Variants in OSBPL10 observed in about 807,000 individuals in gnomAD.
OSBPL10 encodes oxysterol binding protein like 10, also known as oxysterol-binding protein-related protein 10.
In OSBPL10, 49 loss-of-function variants were observed where a neutral mutation model predicts 81.7. That is an observed-to-expected ratio of 0.60 (90% CI 0.48 to 0.76). The LOEUF (loss-of-function observed/expected upper bound fraction) is 0.76, where lower values mean the gene tolerates loss of function less well. Among genes scored for constraint, OSBPL10 ranks in the 30% least tolerant of loss-of-function variants. The probability of loss-of-function intolerance (pLI) is 0.00; values close to 1 mark genes in which losing one functional copy is unlikely to be tolerated. For synonymous variants in OSBPL10, 419 were observed against 383.6 expected, an observed-to-expected ratio of 1.09 and a Z score of -1.08; for missense variants, 923 against 987.8, an observed-to-expected ratio of 0.93 and a Z score of 0.88.
intron 2 of OSBPL10, among the ~76,000 whole-genome samples, chr3:32,028,385 A>G (rs1015007657): frequency 2.6e-5 from 4 of 152,210 alleles, no homozygotes; most frequent in Non-Finnish European, 4.4e-5. Context: ...CTATCTCAGT[A>G]AACAGTACTA....
intron 2 of OSBPL10, among the ~76,000 whole-genome samples, chr3:32,008,610 A>C (rs1699225721): frequency 1.3e-5 from 2 of 151,662 alleles, no homozygotes; most frequent in African/African-American, 4.8e-5. Context: ...GCTAGCAGAG[A>C]GTGGTGTCGC....
intron 4 of OSBPL10, among the ~76,000 whole-genome samples, chr3:31,767,715 T>G (rs1322893441): frequency 6.6e-6 from 1 of 152,140 alleles, no homozygotes; most frequent in African/African-American, 2.4e-5. Context: ...AATTAAGTGT[T>G]AAATGAACCA....
At chr3:32,017,570 G>C (rs1055496068) in intron 2 of OSBPL10, among the ~76,000 whole-genome samples, 1 of 152,036 alleles carries the variant, frequency 6.6e-6, no homozygotes, top group African/African-American at 2.4e-5. Context: ...CCAGGGTTCT[G>C]TGTCTTCACA....
intron 1 of OSBPL10, among the ~76,000 whole-genome samples, chr3:31,955,561 C>T (rs1211848911): frequency 1.3e-5 from 2 of 152,190 alleles, no homozygotes; most frequent in South Asian, 4.1e-4. Context: ...GCACTGACTC[C>T]CTGTCGCTTC....
intron 4 of OSBPL10, among the ~76,000 whole-genome samples, chr3:31,785,092 C>G (rs536326663): frequency 6.8e-4 from 103 of 152,238 alleles, no homozygotes; most frequent in African/African-American, 2.2e-3. Context: ...CCTCTATTAG[C>G]CAGGCTGGTC....
rs532797056 is a variant in OSBPL10 at position 31,764,381 on chromosome 3, T to G, written c.730-16261A>C. ...TGTCTTATTCAAAGGAGATGCCTGA[T>G]GTATGTTTGTTGGGTGGATAAATGG... On this transcript the variant is annotated intron_variant, in intron 4 of 11. Transcript: ENST00000396556. Among the ~76,000 whole-genome samples, 375 of 152,232 alleles carry G rather than the reference T, an allele frequency of 2.5e-3. 5 individuals carry two copies. The highest frequency in any genetic ancestry group is 8.7e-3 in the African/African-American group (360 of 41,538).
At chr3:31,882,174 T>A (rs1695600009) in intron 1 of OSBPL10, among the ~76,000 whole-genome samples, 1 of 152,186 alleles carries the variant, frequency 6.6e-6, no homozygotes, top group Non-Finnish European at 1.5e-5. Flanking sequence ...ACTGCCCGGG[T>A]GGCAGTCCTC....
chr3:31,919,065 C>T (rs1696836464), intron 1 of OSBPL10, among the ~76,000 whole-genome samples: 1 of 152,164 alleles, frequency 6.6e-6, no homozygotes, highest in South Asian at 2.1e-4. Flanking sequence ...ATTCCAAATG[C>T]TGGGCTTTTG....
chr3:31,754,811 G>A (rs548258996), intron 4 of OSBPL10, among the ~76,000 whole-genome samples: 4 of 152,110 alleles, frequency 2.6e-5, no homozygotes, highest in African/African-American at 7.2e-5. Context: ...TCTCAGTTTC[G>A]GTGTCAGATA....
chr3:31,900,202 TTTG>T, intron 1 of OSBPL10, among the ~76,000 whole-genome samples: 1 of 142,760 alleles, frequency 7.0e-6, no homozygotes, highest in Non-Finnish European at 1.6e-5. Context: ...TTTTGTGGGT[TTTG>T]TTTTTTTGTT....
intron 1 of OSBPL10, among the ~76,000 whole-genome samples, chr3:31,948,456 A>C (rs1697765264): frequency 1.3e-5 from 2 of 152,302 alleles, no homozygotes; most frequent in South Asian, 4.1e-4. Flanking sequence ...CCCTATTGCA[A>C]GCAGCAGCCT....
At chr3:31,668,051 TAA>T (rs897402133) in intron 10 of OSBPL10, among the ~76,000 whole-genome samples, 1 of 152,184 alleles carries the variant, frequency 6.6e-6, no homozygotes, top group Non-Finnish European at 1.5e-5. Context: ...TAGTTTTCTT[TAA>T]AAAAAGAATA....
chr3:31,885,819 C>G (rs1262594266), intron 1 of OSBPL10, among the ~76,000 whole-genome samples: 1 of 99,360 alleles, frequency 1.0e-5, no homozygotes, highest in African/African-American at 4.4e-5. Flanking sequence ...CCCATCTCTA[C>G]TAAAAATACA....
intron 3 of OSBPL10, among the ~76,000 whole-genome samples, chr3:31,861,542 G>C (rs1435908645): frequency 6.6e-6 from 1 of 152,118 alleles, no homozygotes; most frequent in Non-Finnish European, 1.5e-5. Context: ...ACAGATGACT[G>C]ATTGTCTATA....
intron 1 of OSBPL10, among the ~76,000 whole-genome samples, chr3:31,927,121 A>G (rs754008938): frequency 1.3e-5 from 2 of 152,172 alleles, no homozygotes; most frequent in Non-Finnish European, 2.9e-5. Context: ...AACAACAACA[A>G]CAACAACAAA....
intron 5 of OSBPL10, among the ~76,000 whole-genome samples, chr3:31,744,030 G>A (rs1697442124): frequency 6.6e-6 from 1 of 152,166 alleles, no homozygotes. Context: ...AGCCAACTAT[G>A]ATGCTTTTCC....
chr3:31,881,565 A>G (rs1695579213), intron 1 of OSBPL10, among the ~76,000 whole-genome samples: 1 of 152,222 alleles, frequency 6.6e-6, no homozygotes, highest in Non-Finnish European at 1.5e-5. Flanking sequence ...ACAGGAAAAG[A>G]GAACAGCAAT....
chr3:31,989,046 G>T (rs761026422), intron 2 of OSBPL10: 2 of 1,611,516 alleles, frequency 1.2e-6, no homozygotes, highest in African/African-American at 1.3e-5. Context: ...CTCAGTGAAG[G>T]TCACACTGCA....
Position 31,733,330 on chromosome 3 carries a change from G to A in OSBPL10, c.1022C>T (p.Ala341Val), listed in dbSNP as rs749760721. The A allele has an allele frequency of 1.8e-5, 29 of 1,613,428 alleles. No individual in the cohort carries two copies. The highest frequency in any genetic ancestry group is 1.7e-6 in the Non-Finnish European group (2 of 1,179,918). The change falls in exon 6 of 12, where the codon GCC becomes GTC. Residue 341 changes from alanine to valine, a missense_variant. Coordinates refer to ENST00000396556, the MANE Select transcript of OSBPL10 (RefSeq NM_017784.5). Reference sequence around the variant, plus strand: ...AATTGCCCAGGTTATGTTGGCACTGGCTGATGGCAAAGAGCCAAGTGTCCC... The same window carrying A: ...AATTGCCCAGGTTATGTTGGCACTGACTGATGGCAAAGAGCCAAGTGTCCC... ...KNGTLGSLPSASANITWAILP... is the reference protein window; with the variant it reads ...KNGTLGSLPSVSANITWAILP...
Sources: gnomAD v4.1 joint callset for allele counts (sites outside exome capture counted in the v4.1 genomes callset) on GRCh38, gnomAD v4.1.1 for gene constraint, MANE v1.5 for transcripts, NCBI Gene and HGNC (gene_info 2026-07-23, HGNC 2026-07-21) for gene names.